Variants in GAS7 observed in about 807,000 individuals in gnomAD.
GAS7 encodes growth arrest specific 7, also known as growth arrest-specific protein 7.
GAS7 carries 28 observed loss-of-function variants against 71.1 expected under a neutral mutation model. The observed-to-expected ratio is 0.39, with a 90% confidence interval of 0.29 to 0.54. The LOEUF is 0.54. GAS7 is among the 20% of genes least tolerant of loss of function. The pLI is 0.62. For synonymous variants in GAS7, 258 were observed against 245.8 expected (o/e 1.05, Z -0.46); for missense variants, 436 against 627.8 (o/e 0.69, Z 3.27).
intron 4 of GAS7, among the ~76,000 whole-genome samples, chr17:9,966,362 G>T (rs73974355): frequency 6.6e-6 from 1 of 152,050 alleles, no homozygotes; most frequent in Non-Finnish European, 1.5e-5. Context: ...AGCAGGGGGC[G>T]GAAAGAGATC....
rs201104102 is a variant in GAS7, at chr17:9,925,431, C to G, written c.1138+45G>C. ...CTCATCTCCTAGCCCCGTGCCCTCT[C>G]CTTCTGTGTGCACTGACCAGGCCAG... On this transcript the variant is annotated intron_variant, in intron 11 of 13. Transcript: ENST00000432992. 441 of 1,609,110 alleles carry G rather than the reference C, an allele frequency of 2.7e-4. 1 individual carries two copies. The African/African-American group carries it at 4.6e-3, about 17-fold the overall frequency.
intron 1 of GAS7, among the ~76,000 whole-genome samples, chr17:10,049,609 C>CTTTTTTTTTTTTTTTTTTTTT: frequency 2.8e-5 from 2 of 70,394 alleles, no homozygotes; most frequent in Middle Eastern, 0.013. Context: ...GAAATTACTT[C>CTTTTTTTTTTTTTTTTTTTTT]TTTTTTTTTT....
At chr17:10,059,356 A>G (rs557500968) in intron 1 of GAS7, among the ~76,000 whole-genome samples, 2 of 152,358 alleles carry the variant, frequency 1.3e-5, no homozygotes, top group African/African-American at 4.8e-5. Flanking sequence ...CCAAAACAGG[A>G]AACTGAGGTA....
rs1215062756 is a variant in GAS7, at chr17:10,077,335, A to G, written c.184-57438T>C. On this transcript the variant is annotated intron_variant, in intron 1 of 13. Coordinates refer to ENST00000432992, the MANE Select transcript of GAS7 (RefSeq NM_201433.2). ...CTAAAACCCCATTAACAAAGCCACA[A>G]AGAAGAAAAAAGTAAGAGTTGACAA... 2.0e-5 allele frequency among the ~76,000 whole-genome samples: 3 copies of G among 152,344 alleles called. No individual in the cohort carries two copies. In the East Asian group the frequency reaches 5.8e-4, roughly 29 times the overall value.
chr17:10,064,436 C>G (rs890424665), intron 1 of GAS7, among the ~76,000 whole-genome samples: 3 of 152,226 alleles, frequency 2.0e-5, no homozygotes, highest in Admixed American at 1.3e-4. Context: ...ACTGTGGAAC[C>G]ACCTCACCTC....
Position 9,974,083 on chromosome 17 carries a change from T to G in GAS7, c.386-4321A>C, listed in dbSNP as rs1274101553. Among the ~76,000 whole-genome samples the G allele has an allele frequency of 6.6e-6, 1 of 152,088 alleles. No homozygotes were observed. Among genetic ancestry groups the G allele is most frequent in the African/African-American group, 2.4e-5 (1 of 41,400 alleles). ...CCAGGAACTGTCTAAAGAGGAGACA[T>G]TTTGCCCCTAATCCAATCCCTTGTT... is the stretch of plus-strand genomic sequence containing the variant. On this transcript the variant is annotated intron_variant, in intron 3 of 13. Transcript: ENST00000432992. The surrounding 1 kb of genome is among the most constrained non-coding windows in gnomAD (Gnocchi z 4.0).
chr17:10,049,682 G>C (rs1334481406), intron 1 of GAS7, among the ~76,000 whole-genome samples: 1 of 132,766 alleles, frequency 7.5e-6, no homozygotes, highest in Admixed American at 8.2e-5. Context: ...GTGCAGTGGC[G>C]CGATCTTGGC....
chr17:10,091,767 G>A (rs1029605459), intron 1 of GAS7, among the ~76,000 whole-genome samples: 2 of 152,046 alleles, frequency 1.3e-5, no homozygotes, highest in Non-Finnish European at 1.5e-5. Context: ...CTGCAGCCGC[G>A]ACCTCCTGGA....
chr17:10,062,847 C>G lies in GAS7; in HGVS notation c.184-42950G>C, dbSNP rs114393339. Among the ~76,000 whole-genome samples, 1,056 of 152,292 alleles carry G rather than the reference C, an allele frequency of 6.9e-3. 9 individuals are homozygous for G. Among genetic ancestry groups the G allele is most frequent in the African/African-American group, 0.024 (993 of 41,556 alleles). ...ACTAATTCCTAATGACCCTGCAGAT[C>G]TCAGCTCCCACCGCAAATGCCCTCT... On this transcript the variant is annotated intron_variant, in intron 1 of 13. Coordinates refer to ENST00000432992, the MANE Select transcript of GAS7 (RefSeq NM_201433.2).
At chr17:10,167,811 A>G (rs2074307145) in intron 1 of GAS7, among the ~76,000 whole-genome samples, 1 of 151,472 alleles carries the variant, frequency 6.6e-6, no homozygotes, top group African/African-American at 2.4e-5. Flanking sequence ...TGATCCTCCC[A>G]CCTGGGCCTC....
chr17:10,056,964 A>ATT (rs547145651), intron 1 of GAS7, among the ~76,000 whole-genome samples: 4 of 146,166 alleles, frequency 2.7e-5, no homozygotes, highest in Middle Eastern at 7.1e-3. Flanking sequence ...TGGTTTTCAT[A>ATT]TTTTTTTTTT....
chr17:9,954,642 G>A (rs1259122262), intron 5 of GAS7, among the ~76,000 whole-genome samples: 4 of 152,156 alleles, frequency 2.6e-5, no homozygotes, highest in Non-Finnish European at 4.4e-5. Flanking sequence ...ATCTAGCAAC[G>A]TGGAGACATT....
rs182381638 is a variant in GAS7 at position 9,965,958 on chromosome 17, G to A, written c.471+3719C>T. The stretch of plus-strand genomic sequence containing the variant: ...GACACGTTACTGGTGTCCGTGGAAA[G>A]TCCCTTTCCCCATCCCCCGACACCC... On this transcript the variant is annotated intron_variant, in intron 4 of 13. Transcript: ENST00000432992. Among the ~76,000 whole-genome samples the A allele has an allele frequency of 1.3e-3, 193 of 151,090 alleles. 2 individuals carry two copies. Among genetic ancestry groups the A allele is most frequent in the African/African-American group, 4.6e-3 (190 of 41,114 alleles).
intron 1 of GAS7, among the ~76,000 whole-genome samples, chr17:10,090,154 G>A (rs1252329375): frequency 6.7e-6 from 1 of 149,154 alleles, no homozygotes; most frequent in Non-Finnish European, 1.5e-5. Context: ...CGGCAATAGA[G>A]AGAGACTCCG....
In GAS7 at chr17:10,170,766, G is replaced by GC. The variant is rs1282527001; in HGVS notation, c.183+27441dup. Among the ~76,000 whole-genome samples the GC allele has an allele frequency of 3.3e-5, 5 of 152,210 alleles. No individual in the cohort carries two copies. In the East Asian group the frequency reaches 5.8e-4, roughly 18 times the overall value. ...GAACGAGCGTTTGTTCAGTGAATGAGCCCCGTATCTTGTTAATCTGCTGAA... is the reference window on the plus strand; with the variant it reads ...GAACGAGCGTTTGTTCAGTGAATGAGCCCCCGTATCTTGTTAATCTGCTGAA... On this transcript the variant is annotated intron_variant, in intron 1 of 13. Coordinates refer to ENST00000432992, the MANE Select transcript of GAS7 (RefSeq NM_201433.2).
Position 9,942,939 on chromosome 17 carries a change from C to T in GAS7, c.731+182G>A, listed in dbSNP as rs114514312. Reference sequence around the variant, plus strand: ...CTTTCAATATTTAAAAACACTATATCGGCCAAAGGTACACAACTGCTGACC... The same window carrying T: ...CTTTCAATATTTAAAAACACTATATTGGCCAAAGGTACACAACTGCTGACC... On this transcript the variant is annotated intron_variant, in intron 7 of 13. Coordinates refer to ENST00000432992, the MANE Select transcript of GAS7 (RefSeq NM_201433.2). Among the ~76,000 whole-genome samples, 613 of 152,290 alleles carry T rather than the reference C, an allele frequency of 4.0e-3. 4 individuals are homozygous for T. Among genetic ancestry groups the T allele is most frequent in the African/African-American group, 0.014 (562 of 41,580 alleles).
chr17:10,095,000 G>A (rs115611842), intron 1 of GAS7, among the ~76,000 whole-genome samples: 133 of 152,104 alleles, frequency 8.7e-4, no homozygotes, highest in Middle Eastern at 3.4e-3. Context: ...CCTCCAGATC[G>A]CCACATGCAA....
chr17:10,131,187 G>A (rs1024259732), intron 1 of GAS7, among the ~76,000 whole-genome samples: 5 of 152,164 alleles, frequency 3.3e-5, no homozygotes, highest in African/African-American at 7.2e-5. Context: ...TCTAGACCTC[G>A]AAGAGCAGCG....
In GAS7 at chr17:10,182,677, C is replaced by T. The variant is rs1384283699; in HGVS notation, c.183+15531G>A. 3.9e-5 allele frequency among the ~76,000 whole-genome samples: 6 copies of T among 152,162 alleles called. No homozygotes were observed. In the East Asian group the frequency reaches 1.2e-3, roughly 29 times the overall value. ...AGACTAAGTCTCCGACAGCAAGGACCTGAGAGTTCCATCTAGGGGCTGCAG... is the reference window on the plus strand; with the variant it reads ...AGACTAAGTCTCCGACAGCAAGGACTTGAGAGTTCCATCTAGGGGCTGCAG... On this transcript the variant is annotated intron_variant, in intron 1 of 13. Transcript: ENST00000432992.
Sources: allele counts gnomAD v4.1 joint callset (sites outside exome capture counted in the v4.1 genomes callset), GRCh38; gene constraint gnomAD v4.1.1; non-coding constraint Gnocchi (gnomAD v3.1); transcripts MANE v1.5; gene names NCBI Gene and HGNC (gene_info 2026-07-23, HGNC 2026-07-21).